ATG10: variants seen among roughly 807,000 people sequenced by gnomAD.
The protein encoded by ATG10 is ubiquitin-like-conjugating enzyme ATG10.
In ATG10, 30 loss-of-function variants were observed where a neutral mutation model predicts 32.1. The observed-to-expected ratio is 0.94, with a 90% CI of 0.70 to 1.27. ATG10 has a LOEUF of 1.27. ATG10 is among the 50% of genes most tolerant of loss of function. The pLI, the probability that ATG10 is intolerant of heterozygous loss-of-function variation, is 0.00. For synonymous variants in ATG10, 87 were observed against 91.5 expected (o/e 0.95, Z 0.28); for missense variants, 233 against 262.3 (o/e 0.89, Z 0.77).
intron 3 of ATG10, among the ~76,000 whole-genome samples, chr5:82,088,208 A>G (rs1764755253): frequency 6.6e-6 from 1 of 151,686 alleles, no homozygotes; most frequent in Non-Finnish European, 1.5e-5. Context: ...TTTTCTGCTT[A>G]AGTTAGCCCC....
At chr5:82,248,556 C>T (rs1304383767) in intron 5 of ATG10, among the ~76,000 whole-genome samples, 5 of 152,174 alleles carry the variant, frequency 3.3e-5, no homozygotes, top group Admixed American at 2.0e-4. Context: ...GAACTAAACA[C>T]GTCTCAGATT....
At chr5:82,133,247 C>T (rs951940664) in intron 3 of ATG10, among the ~76,000 whole-genome samples, 4 of 152,076 alleles carry the variant, frequency 2.6e-5, no homozygotes, top group African/African-American at 7.2e-5. Context: ...TTAATTAGAT[C>T]CCATTTTTTA....
chr5:82,064,489 C>T (rs181835476), intron 3 of ATG10, among the ~76,000 whole-genome samples: 17 of 151,940 alleles, frequency 1.1e-4, no homozygotes, highest in Admixed American at 3.3e-4. Flanking sequence ...TTGCTTAGCT[C>T]CCGATGTTTT....
intron 5 of ATG10, among the ~76,000 whole-genome samples, chr5:82,235,341 G>C (rs1008173138): frequency 6.6e-6 from 1 of 152,152 alleles, no homozygotes; most frequent in Non-Finnish European, 1.5e-5. Flanking sequence ...AAATGATTCT[G>C]ATGGTCCTGG....
chr5:82,121,791 C>T (rs1031898494), intron 3 of ATG10, among the ~76,000 whole-genome samples: 25 of 152,232 alleles, frequency 1.6e-4, no homozygotes, highest in Admixed American at 1.3e-3. Flanking sequence ...TTGAACCAAC[C>T]TTGCATCCCG....
chr5:82,236,368 T>A (rs1746551407), intron 5 of ATG10, among the ~76,000 whole-genome samples: 1 of 152,196 alleles, frequency 6.6e-6, no homozygotes, highest in African/African-American at 2.4e-5. Context: ...GATAATTGAA[T>A]AAGTTTGGGA....
chr5:82,186,147 G>A (rs1328986867), intron 5 of ATG10, among the ~76,000 whole-genome samples: 4 of 152,182 alleles, frequency 2.6e-5, no homozygotes, highest in Non-Finnish European at 1.5e-5. Context: ...ATCACTGCCA[G>A]CTTCCTTTGC....
At chr5:82,094,935 C>A (rs563061387) in intron 3 of ATG10, among the ~76,000 whole-genome samples, 4 of 151,996 alleles carry the variant, frequency 2.6e-5, no homozygotes, top group African/African-American at 9.7e-5. Flanking sequence ...TACAAACACA[C>A]GAACACATGC....
At chr5:82,101,257 T>G (rs1008647659) in intron 3 of ATG10, among the ~76,000 whole-genome samples, 1 of 152,188 alleles carries the variant, frequency 6.6e-6, no homozygotes, top group African/African-American at 2.4e-5. Context: ...CCTTCATGTA[T>G]GATTATTTCC....
intron 5 of ATG10, among the ~76,000 whole-genome samples, chr5:82,190,983 A>T (rs1744641778): frequency 6.6e-6 from 1 of 152,182 alleles, no homozygotes; most frequent in Non-Finnish European, 1.5e-5. Flanking sequence ...GGAATTGGTG[A>T]GTCAATGAAT....
intron 3 of ATG10, among the ~76,000 whole-genome samples, chr5:82,132,238 A>G (rs924912679): frequency 2.6e-5 from 4 of 151,888 alleles, no homozygotes; most frequent in Non-Finnish European, 4.4e-5. Flanking sequence ...GTTAACTGCC[A>G]TTATTATTAT....
At chr5:82,117,726 G>T (rs1248289788) in intron 3 of ATG10, among the ~76,000 whole-genome samples, 2 of 152,098 alleles carry the variant, frequency 1.3e-5, no homozygotes, top group Admixed American at 6.6e-5. Flanking sequence ...TCTGAGACCA[G>T]GTATTAGAAA....
chr5:82,207,047 C>T (rs1347420925), intron 5 of ATG10, among the ~76,000 whole-genome samples: 1 of 152,050 alleles, frequency 6.6e-6, no homozygotes, highest in Non-Finnish European at 1.5e-5. Flanking sequence ...ATGACTATAT[C>T]ACAATTTGTC....
At chr5:82,144,095 AT>A (rs1260799864) in intron 3 of ATG10, among the ~76,000 whole-genome samples, 1 of 151,918 alleles carries the variant, frequency 6.6e-6, no homozygotes, top group Non-Finnish European at 1.5e-5. Context: ...TTTCATCTTA[AT>A]TGTTAAATTT....
intron 5 of ATG10, among the ~76,000 whole-genome samples, chr5:82,223,017 C>T (rs1745989117): frequency 6.6e-6 from 1 of 152,106 alleles, no homozygotes; most frequent in Non-Finnish European, 1.5e-5. Context: ...CAAAGGCAGG[C>T]TGTGTGTGGA....
intron 5 of ATG10, among the ~76,000 whole-genome samples, chr5:82,229,494 T>C (rs1165790002): frequency 6.6e-6 from 1 of 152,252 alleles, no homozygotes. Context: ...GCAAGTTTCA[T>C]GTCAGTGTAT....
intron 3 of ATG10, among the ~76,000 whole-genome samples, chr5:82,155,947 A>T (rs1480636657): frequency 1.3e-5 from 2 of 152,172 alleles, no homozygotes; most frequent in Admixed American, 1.3e-4. Flanking sequence ...ATAATAATTG[A>T]TAAAGGAGTA....
intron 1 of ATG10, among the ~76,000 whole-genome samples, chr5:81,972,763 T>G (rs1188523843): frequency 6.6e-6 from 1 of 152,218 alleles, no homozygotes; most frequent in Non-Finnish European, 1.5e-5. Context: ...CTTTCTTTTT[T>G]TTTTAAACCT....
intron 2 of ATG10, among the ~76,000 whole-genome samples, chr5:82,049,991 T>C (rs1763356380): frequency 6.7e-6 from 1 of 149,870 alleles, no homozygotes; most frequent in African/African-American, 2.5e-5. Context: ...CATAGAGATA[T>C]AAAGTAAAGA....
Sources: gnomAD v4.1 joint callset for allele counts (sites outside exome capture counted in the v4.1 genomes callset) on GRCh38, gnomAD v4.1.1 for gene constraint, MANE v1.5 for transcripts, NCBI Gene and HGNC (gene_info 2026-07-23, HGNC 2026-07-21) for gene names.